STRA8: variants seen among roughly 807,000 people sequenced by gnomAD.
STRA8 encodes the protein stimulated by retinoic acid gene 8 protein homolog.
STRA8 carries 18 observed loss-of-function variants against 37.1 expected under a neutral mutation model. The observed-to-expected ratio is 0.48, with a 90% CI of 0.34 to 0.72. The LOEUF is 0.72. Among genes scored for constraint, STRA8 ranks in the 30% least tolerant of loss-of-function variants. The pLI is 0.01. For missense variants in STRA8, 357 were observed against 410.4 expected, an observed-to-expected ratio of 0.87 and a Z score of 1.13; for synonymous variants, 168 against 162.9, an observed-to-expected ratio of 1.03 and a Z score of -0.24.
intron 2 of STRA8, among the ~76,000 whole-genome samples, chr7:135,241,846 T>A (rs1585470651): frequency 6.6e-6 from 1 of 152,212 alleles, no homozygotes; most frequent in East Asian, 1.9e-4. Flanking sequence ...TACCACATAG[T>A]TTTGCCCTTG....
chr7:135,243,254 C>G (rs1832494353), intron 3 of STRA8, 72 bp from the exon 4 acceptor site: 1 of 1,531,020 alleles, frequency 6.5e-7, no homozygotes, highest in African/African-American at 1.4e-5. Context: ...CCACCTGGGC[C>G]AGAAGGGTGG....
chr7:135,253,325 A>G (rs1167235001), intron 7 of STRA8, among the ~76,000 whole-genome samples: 1 of 152,138 alleles, frequency 6.6e-6, no homozygotes, highest in Non-Finnish European at 1.5e-5. Context: ...CCACCTCCTA[A>G]CACCATCACC....
intron 1 of STRA8, among the ~76,000 whole-genome samples, chr7:135,234,635 C>A (rs1220190172): frequency 6.6e-6 from 1 of 152,044 alleles, no homozygotes; most frequent in Non-Finnish European, 1.5e-5. Context: ...TTTTAAACGT[C>A]AGCTCTGAGT....
upstream of STRA8, chr7:135,231,919 C>A: frequency 6.9e-7 from 1 of 1,452,672 alleles, no homozygotes; most frequent in Non-Finnish European, 9.7e-7. Context: ...ATATCCAGAG[C>A]TAGTGAGAGG....
chr7:135,232,669 C>T, upstream of STRA8, among the ~76,000 whole-genome samples: 1 of 152,060 alleles, frequency 6.6e-6, no homozygotes, highest in East Asian at 1.9e-4. Flanking sequence ...TTGACCCTTA[C>T]TGGAAGGTTT....
intron 1 of STRA8, among the ~76,000 whole-genome samples, chr7:135,234,848 C>T (rs1417172160): frequency 2.0e-5 from 3 of 152,126 alleles, no homozygotes; most frequent in Non-Finnish European, 4.4e-5. Flanking sequence ...TGAACAAGGT[C>T]GAACACAGCA....
chr7:135,256,840 AACTTCAGC>A (rs1319331845), intron 8 of STRA8, among the ~76,000 whole-genome samples: 1 of 152,166 alleles, frequency 6.6e-6, no homozygotes, highest in Admixed American at 6.5e-5. Flanking sequence ...AAAGATGCCA[AACTTCAGC>A]ACTCCTAGAT....
upstream of STRA8, among the ~76,000 whole-genome samples, chr7:135,232,576 G>C (rs1020493102): frequency 2.0e-5 from 3 of 151,916 alleles, no homozygotes; most frequent in Non-Finnish European, 4.4e-5. Context: ...CCGGGAATTC[G>C]AGGCTGCAGT....
At chr7:135,256,452 C>G (rs761628607) in intron 8 of STRA8, among the ~76,000 whole-genome samples, 4 of 152,190 alleles carry the variant, frequency 2.6e-5, no homozygotes, top group Non-Finnish European at 5.9e-5. Flanking sequence ...ATCTTTGCCT[C>G]CCCTCCTTCT....
chr7:135,252,053 T>C (rs1039175152), intron 7 of STRA8, among the ~76,000 whole-genome samples, 184 bp downstream of exon 7: 2 of 147,388 alleles, frequency 1.4e-5, no homozygotes, highest in East Asian at 4.1e-4. Flanking sequence ...TGTGCACCCC[T>C]GCTGGGGTGT....
At chr7:135,249,748 A>C (rs1187662781) in intron 6 of STRA8, among the ~76,000 whole-genome samples, 5 of 152,260 alleles carry the variant, frequency 3.3e-5, no homozygotes, top group African/African-American at 1.2e-4. Flanking sequence ...CAATTCTGCC[A>C]AATTTGACTG....
intron 2 of STRA8, among the ~76,000 whole-genome samples, chr7:135,242,220 A>C (rs1279218513): frequency 2.8e-5 from 2 of 71,838 alleles, no homozygotes; most frequent in Non-Finnish European, 5.0e-5. Flanking sequence ...GGGGAGCAGA[A>C]GGGAGGGGAG....
chr7:135,241,985 C>A (rs982189026), intron 2 of STRA8, among the ~76,000 whole-genome samples: 4 of 148,912 alleles, frequency 2.7e-5, no homozygotes, highest in African/African-American at 1.0e-4. Context: ...TTTGAATAAT[C>A]TTGCTGTTAC....
intron 8 of STRA8, 113 bp from the exon 9 acceptor site, chr7:135,258,305 C>T (rs11979450): frequency 0.32 from 252,154 of 783,064 alleles, 45,169 homozygotes; most frequent in African/African-American, 0.62. Context: ...GCGGAAGAGA[C>T]GTAGGATAGA....
chr7:135,258,389 G>A (rs1335447058), intron 8 of STRA8, 29 bp from the exon 9 acceptor site: 4 of 1,575,238 alleles, frequency 2.5e-6, no homozygotes, highest in Non-Finnish European at 2.6e-6. Flanking sequence ...CAGATAAAAA[G>A]TGACCCTCTT....
At chr7:135,238,283 G>C (rs972946870) in intron 1 of STRA8, among the ~76,000 whole-genome samples, 5 of 152,208 alleles carry the variant, frequency 3.3e-5, no homozygotes, top group Non-Finnish European at 7.4e-5. Flanking sequence ...GCTCCAGGCA[G>C]CTTGGCCAGC....
intron 3 of STRA8, among the ~76,000 whole-genome samples, 197 bp from the exon 4 acceptor site, chr7:135,243,129 C>T (rs778215725): frequency 5.2e-4 from 79 of 152,250 alleles, no homozygotes; most frequent in Non-Finnish European, 8.8e-4. Flanking sequence ...CTTCAGAGGC[C>T]AGAGGAAAAG....
At position 135,258,573 on chromosome 7, in the gene STRA8, C is replaced by A. The variant is rs564669990; in HGVS notation, c.*81C>A. On this transcript the variant is annotated 3_prime_UTR_variant, in exon 9 of 9. Coordinates refer to ENST00000662584, the MANE Select transcript of STRA8 (RefSeq NM_001394401.1). ...TGAATGCTGGCAGCTAAGGTTGCAC[C>A]TGCCTTGGCCTCCAGGACTCTTTGG... The A allele has an allele frequency of 1.7e-6, 2 of 1,196,898 alleles. No homozygotes were observed. Among genetic ancestry groups the A allele is most frequent in the African/African-American group, 1.5e-5 (1 of 65,924 alleles). 74.1% of individuals were successfully genotyped at this position (1,196,898 alleles called of 1,614,324 possible).
At chr7:135,251,001 G>A (rs905472988) in intron 6 of STRA8, among the ~76,000 whole-genome samples, 2 of 152,192 alleles carry the variant, frequency 1.3e-5, no homozygotes, top group African/African-American at 4.8e-5. Flanking sequence ...AGTGACTGGA[G>A]AGAATTAGAT....
Sources: allele counts gnomAD v4.1 joint callset (sites outside exome capture counted in the v4.1 genomes callset), GRCh38; gene constraint gnomAD v4.1.1; transcripts MANE v1.5; gene names NCBI Gene and HGNC (gene_info 2026-07-23, HGNC 2026-07-21).